ROBO2: variants seen among roughly 807,000 people sequenced by gnomAD.
The protein encoded by ROBO2 is roundabout guidance receptor 2.
ROBO2 carries 53 observed loss-of-function variants against 160.8 expected under a neutral mutation model. That is an observed-to-expected ratio of 0.33 (90% CI 0.26 to 0.41). The LOEUF (loss-of-function observed/expected upper bound fraction) is 0.41. ROBO2 is among the 10% of genes least tolerant of loss of function. The pLI is 1.00. For synonymous variants in ROBO2, 664 were observed against 611.7 expected, an observed-to-expected ratio of 1.09 and a Z score of -1.26; for missense variants, 1,577 against 1,722.4, an observed-to-expected ratio of 0.92 and a Z score of 1.49.
intron 2 of ROBO2, among the ~76,000 whole-genome samples, chr3:76,444,696 G>T (rs1397313087): frequency 6.6e-6 from 1 of 152,176 alleles, no homozygotes; most frequent in African/African-American, 2.4e-5. Context: ...GACACATGGG[G>T]ATTGCGGGGT....
At chr3:76,498,218 A>G (rs953337607) in intron 2 of ROBO2, among the ~76,000 whole-genome samples, 4 of 152,220 alleles carry the variant, frequency 2.6e-5, no homozygotes, top group African/African-American at 9.6e-5. Flanking sequence ...TGGAAATACT[A>G]TAACTCATAA....
At chr3:76,483,831 CTG>C (rs540530367) in intron 2 of ROBO2, among the ~76,000 whole-genome samples, 148 of 152,200 alleles carry the variant, frequency 9.7e-4, no homozygotes, top group African/African-American at 3.1e-3. Context: ...TTTTCTGTTC[CTG>C]TGTTAGTTTA....
chr3:76,226,409 C>T (rs947943955), intron 2 of ROBO2, among the ~76,000 whole-genome samples: 1 of 151,964 alleles, frequency 6.6e-6, no homozygotes, highest in Admixed American at 6.6e-5. Flanking sequence ...CTGGTGTGTG[C>T]CCTGAAGGGT....
intron 21 of ROBO2, among the ~76,000 whole-genome samples, chr3:77,608,495 C>T (rs766446008): frequency 3.2e-4 from 48 of 152,110 alleles, no homozygotes; most frequent in Non-Finnish European, 5.6e-4. Flanking sequence ...TGTAATGAAA[C>T]CTTTTTAAGA....
chr3:76,916,637 C>T (rs2076331985), intron 2 of ROBO2, among the ~76,000 whole-genome samples: 1 of 151,260 alleles, frequency 6.6e-6, no homozygotes, highest in Non-Finnish European at 1.5e-5. Flanking sequence ...CCACACTGGG[C>T]CTGATTTTAT....
At chr3:76,438,181 G>T (rs1341001487) in intron 2 of ROBO2, among the ~76,000 whole-genome samples, 1 of 152,110 alleles carries the variant, frequency 6.6e-6, no homozygotes, top group East Asian at 1.9e-4. Context: ...ACTGAGCAGA[G>T]ATTTGTTGGG....
chr3:76,382,372 A>G (rs2076673547), intron 2 of ROBO2, among the ~76,000 whole-genome samples: 1 of 152,138 alleles, frequency 6.6e-6, no homozygotes, highest in Admixed American at 6.5e-5. Flanking sequence ...GCGGATCACA[A>G]GGTCAGGAGA....
chr3:77,174,779 A>T (rs993819056), intron 2 of ROBO2, among the ~76,000 whole-genome samples: 2 of 152,046 alleles, frequency 1.3e-5, no homozygotes, highest in African/African-American at 4.8e-5. Flanking sequence ...CAATATAAGC[A>T]TACCCAGTTC....
chr3:76,467,488 C>T (rs2078424614), intron 2 of ROBO2, among the ~76,000 whole-genome samples: 1 of 152,028 alleles, frequency 6.6e-6, no homozygotes, highest in Non-Finnish European at 1.5e-5. Flanking sequence ...CCTATATTCC[C>T]AATTCTCCCT....
intron 2 of ROBO2, among the ~76,000 whole-genome samples, chr3:76,877,938 T>C (rs1459451275): frequency 1.3e-5 from 2 of 152,156 alleles, no homozygotes; most frequent in Non-Finnish European, 2.9e-5. Context: ...GAAGGAGACA[T>C]GGAGATTTCA....
At chr3:76,245,334 T>C (rs577352515) in intron 2 of ROBO2, among the ~76,000 whole-genome samples, 2 of 152,302 alleles carry the variant, frequency 1.3e-5, no homozygotes, top group Admixed American at 6.5e-5. Context: ...TGTGCAGCAA[T>C]GTTCCTGGGA....
chr3:76,410,638 T>C (rs922463629), intron 2 of ROBO2, among the ~76,000 whole-genome samples: 1 of 152,196 alleles, frequency 6.6e-6, no homozygotes, highest in Non-Finnish European at 1.5e-5. Flanking sequence ...ATTATTTGCC[T>C]AATATAAGTT....
intron 2 of ROBO2, among the ~76,000 whole-genome samples, chr3:76,739,306 A>G (rs1329402866): frequency 6.6e-6 from 1 of 152,184 alleles, no homozygotes; most frequent in Non-Finnish European, 1.5e-5. Flanking sequence ...AGCCATAAAA[A>G]ATGATGAGTT....
At chr3:76,492,832 T>G (rs1174062256) in intron 2 of ROBO2, among the ~76,000 whole-genome samples, 1 of 152,194 alleles carries the variant, frequency 6.6e-6, no homozygotes, top group African/African-American at 2.4e-5. Context: ...GAATGACTTC[T>G]TCATATTTTA....
At chr3:76,691,553 TA>T (rs1411248514) in intron 2 of ROBO2, among the ~76,000 whole-genome samples, 1 of 152,114 alleles carries the variant, frequency 6.6e-6, no homozygotes, top group Non-Finnish European at 1.5e-5. Flanking sequence ...GGAAGTATGA[TA>T]GAGCTAGAGG....
intron 2 of ROBO2, among the ~76,000 whole-genome samples, chr3:76,955,888 C>CAAA (rs35674535): frequency 4.8e-5 from 6 of 124,070 alleles, no homozygotes; most frequent in African/African-American, 1.2e-4. Context: ...GAGACTCCGT[C>CAAA]AAAAAAAAAA....
chr3:76,367,350 T>A (rs992963809), intron 2 of ROBO2, among the ~76,000 whole-genome samples: 1 of 152,008 alleles, frequency 6.6e-6, no homozygotes, highest in South Asian at 2.1e-4. Flanking sequence ...AATAAGGAGA[T>A]GAGGAAAACT....
rs538239222 is a variant in ROBO2, at chr3:77,183,109, A to C, written c.388+84769A>C. Among the ~76,000 whole-genome samples, 10 of 152,154 alleles carry C rather than the reference A, an allele frequency of 6.6e-5. No individual in the cohort carries two copies. In the East Asian group the frequency reaches 1.9e-3, roughly 29 times the overall value. On this transcript the variant is annotated intron_variant, in intron 2 of 25. Transcript: ENST00000461745. ...ATTCACTGATGCTGGCTCCTGTTTTATCACTAAGCCATTAAGCTTTCTCAA... is the reference window on the plus strand; with the variant it reads ...ATTCACTGATGCTGGCTCCTGTTTTCTCACTAAGCCATTAAGCTTTCTCAA...
intron 2 of ROBO2, among the ~76,000 whole-genome samples, chr3:76,292,964 T>G (rs1012637080): frequency 5.4e-5 from 6 of 111,468 alleles, no homozygotes; most frequent in African/African-American, 2.7e-4. Flanking sequence ...AGTACTAGGG[T>G]TTTTTTTTTT....
Sources: allele counts gnomAD v4.1 joint callset (sites outside exome capture counted in the v4.1 genomes callset), GRCh38; gene constraint gnomAD v4.1.1; transcripts MANE v1.5; gene names NCBI Gene and HGNC (gene_info 2026-07-23, HGNC 2026-07-21).